Variants in DEPTOR observed in about 807,000 individuals in gnomAD.
The protein encoded by DEPTOR is DEP domain containing MTOR interacting protein, also known as DEP domain-containing mTOR-interacting protein.
Under a neutral mutation model 41.6 loss-of-function variants are expected in DEPTOR, and 41 were observed. The ratio of observed to expected loss-of-function variants is 0.98; its 90% CI spans 0.77 to 1.28. DEPTOR has a LOEUF of 1.28. Ranked by LOEUF, DEPTOR falls within the 50% of genes most tolerant of loss-of-function variation. The probability of loss-of-function intolerance (pLI) is 0.00; values close to 1 mark genes in which losing one functional copy is unlikely to be tolerated. For missense variants in DEPTOR, 514 were observed against 527.9 expected (o/e 0.97, Z 0.26); for synonymous variants, 195 against 192.3 (o/e 1.01, Z -0.12).
At chr8:119,971,286 T>A (rs1197122205) in intron 4 of DEPTOR, among the ~76,000 whole-genome samples, 7 of 150,000 alleles carry the variant, frequency 4.7e-5, no homozygotes, top group Non-Finnish European at 1.0e-4. Context: ...AAAAGACAGA[T>A]TAATTGGAGA....
intron 1 of DEPTOR, among the ~76,000 whole-genome samples, chr8:119,893,630 A>T (rs770921520): frequency 2.0e-5 from 3 of 152,154 alleles, no homozygotes; most frequent in Non-Finnish European, 2.9e-5. Flanking sequence ...GGAGTTTGAG[A>T]CCAGCTTGAC....
intron 5 of DEPTOR, 104 bp downstream of exon 5, chr8:120,001,814 AT>A: frequency 7.5e-7 from 1 of 1,325,962 alleles, no homozygotes; most frequent in Non-Finnish European, 9.9e-7. Flanking sequence ...AGAGCGTAGA[AT>A]TTTTACTTAT....
At chr8:119,943,377 G>A (rs1828228817) in intron 3 of DEPTOR, among the ~76,000 whole-genome samples, 1 of 152,164 alleles carries the variant, frequency 6.6e-6, no homozygotes, top group South Asian at 2.1e-4. Flanking sequence ...ATGGCAGAAG[G>A]GGAAGCAGGC....
At chr8:120,043,841 G>A (rs1023924830) in intron 8 of DEPTOR, among the ~76,000 whole-genome samples, 4 of 151,866 alleles carry the variant, frequency 2.6e-5, no homozygotes, top group African/African-American at 7.3e-5. Context: ...GTGAAACCCC[G>A]TCTCTACTAA....
chr8:119,937,693 C>T (rs73323534), intron 3 of DEPTOR, among the ~76,000 whole-genome samples: 162 of 152,212 alleles, frequency 1.1e-3, no homozygotes, highest in African/African-American at 3.8e-3. Flanking sequence ...TGGATACTGG[C>T]AGAAAACAGA....
chr8:119,874,122 C>T, intron 1 of DEPTOR, 154 bp downstream of exon 1: 2 of 1,261,268 alleles, frequency 1.6e-6, no homozygotes, highest in Non-Finnish European at 1.1e-6. Flanking sequence ...GGTGCGCCCG[C>T]GCTTAGCTGC....
At chr8:119,974,121 G>T (rs1828667036) in intron 4 of DEPTOR, among the ~76,000 whole-genome samples, 1 of 150,092 alleles carries the variant, frequency 6.7e-6, no homozygotes, top group African/African-American at 2.5e-5. Flanking sequence ...GGTACTAACT[G>T]GGTGTGGTGG....
chr8:120,020,425 G>T (rs1034761547), intron 8 of DEPTOR, among the ~76,000 whole-genome samples: 11 of 152,074 alleles, frequency 7.2e-5, no homozygotes, highest in Non-Finnish European at 1.5e-4. Flanking sequence ...ACCCAGACTG[G>T]AGTGCAGTGG....
intron 1 of DEPTOR, among the ~76,000 whole-genome samples, chr8:119,926,523 A>C (rs1166139786): frequency 6.6e-6 from 1 of 152,220 alleles, no homozygotes; most frequent in African/African-American, 2.4e-5. Context: ...TTTAAAGTAT[A>C]AGTAGGTCCC....
chr8:119,989,591 G>A (rs1046297295), intron 4 of DEPTOR, among the ~76,000 whole-genome samples: 2 of 152,140 alleles, frequency 1.3e-5, no homozygotes, highest in African/African-American at 4.8e-5. Flanking sequence ...TGTAAACTGG[G>A]AATCATAATA....
At chr8:119,991,092 CTTTCTTTCTTTCTTTCTTTCTTTCTTTT>C (rs752445804) in intron 4 of DEPTOR, among the ~76,000 whole-genome samples, 2,335 of 55,446 alleles carry the variant, frequency 0.042, 60 homozygotes, top group Middle Eastern at 0.057. Context: ...CTTTCTTTTT[CTTTCTTTCTTTCTTTCTTTCTTTCTTTT>C]TTTTTTAAAT....
rs1401651490 is a variant in DEPTOR at position 120,049,879 on chromosome 8, C to T, written c.*175C>T. On this transcript the variant is annotated 3_prime_UTR_variant, in exon 9 of 9. Coordinates refer to ENST00000286234, the MANE Select transcript of DEPTOR (RefSeq NM_022783.4). ...CACTGAATGTGGAAGAACCGGGTAT[C>T]ATATCTTTTTTAAAAAATGTCAGTG... 7 of 681,924 alleles carry T rather than the reference C, an allele frequency of 1.0e-5. No homozygotes were observed. The Admixed American group carries it at 2.4e-4, about 24-fold the overall frequency. The allele number at this position is 681,924 out of a possible 1,614,324, so 42.2% of individuals were successfully genotyped here.
intron 1 of DEPTOR, among the ~76,000 whole-genome samples, chr8:119,881,928 G>T (rs920315796): frequency 6.6e-6 from 1 of 152,226 alleles, no homozygotes; most frequent in South Asian, 2.1e-4. Context: ...GTCTCACTCT[G>T]TCACCCAGGT....
At chr8:120,027,211 T>C (rs1235610603) in intron 8 of DEPTOR, among the ~76,000 whole-genome samples, 1 of 139,410 alleles carries the variant, frequency 7.2e-6, no homozygotes, top group African/African-American at 2.6e-5. Context: ...AGAGTGAAAC[T>C]CCATCTCAAA....
chr8:119,959,589 C>T (rs56274209), intron 3 of DEPTOR, among the ~76,000 whole-genome samples: 200 of 151,112 alleles, frequency 1.3e-3, no homozygotes, highest in African/African-American at 4.6e-3. Flanking sequence ...TACAGTGGTG[C>T]GATCTCGGTT....
chr8:120,039,378 A>G (rs1586669883), intron 8 of DEPTOR, among the ~76,000 whole-genome samples: 1 of 152,234 alleles, frequency 6.6e-6, no homozygotes, highest in Non-Finnish European at 1.5e-5. Flanking sequence ...AGACGAAGAC[A>G]TGGATGGACC....
At position 120,049,945 on chromosome 8, in the gene DEPTOR, T is replaced by G; in HGVS notation, c.*241T>G. The G allele has an allele frequency of 2.9e-6, 1 of 347,534 alleles. No homozygotes were observed. The highest frequency in any genetic ancestry group is 5.2e-6 in the Non-Finnish European group (1 of 193,884). 21.5% of individuals were successfully genotyped at this position (347,534 alleles called of 1,614,324 possible). A position where few individuals can be genotyped will look rare whatever the true frequency, so the allele number is the denominator to read the frequency against. On this transcript the variant is annotated 3_prime_UTR_variant, in exon 9 of 9. Coordinates refer to ENST00000286234, the MANE Select transcript of DEPTOR (RefSeq NM_022783.4). ...AAACCATTTTCCTACATGATAGAAC[T>G]GCCTTACTAGATTTCTATTTGTAGC...
At chr8:119,940,598 T>C (rs887889768) in intron 3 of DEPTOR, among the ~76,000 whole-genome samples, 5 of 151,770 alleles carry the variant, frequency 3.3e-5, no homozygotes, top group African/African-American at 7.3e-5. Flanking sequence ...ATACAAAAAT[T>C]AGTCGAGCGT....
intron 4 of DEPTOR, among the ~76,000 whole-genome samples, chr8:119,987,911 T>C (rs1257769618): frequency 6.6e-6 from 1 of 152,218 alleles, no homozygotes; most frequent in Non-Finnish European, 1.5e-5. Context: ...ACTGCTGTGC[T>C]GGCAGTGAGA....
Sources: allele counts gnomAD v4.1 joint callset (sites outside exome capture counted in the v4.1 genomes callset), GRCh38; gene constraint gnomAD v4.1.1; transcripts MANE v1.5; gene names NCBI Gene and HGNC (gene_info 2026-07-23, HGNC 2026-07-21).